The following RANBP17 variants were observed in gnomAD, a reference collection of about 807,000 sequenced individuals.
RANBP17 encodes the protein RAN binding protein 17.
RANBP17 carries 158 observed loss-of-function variants against 141.2 expected under a neutral mutation model. The ratio of observed to expected loss-of-function variants is 1.12; its 90% CI spans 0.98 to 1.28. The LOEUF (loss-of-function observed/expected upper bound fraction) is 1.28, where lower values mean the gene tolerates loss of function less well. RANBP17 is among the 50% of genes most tolerant of loss of function. RANBP17 has a pLI of 0.00. For missense variants in RANBP17, 1,438 were observed against 1,290.7 expected (o/e 1.11, Z -1.75); for synonymous variants, 430 against 450.0 (o/e 0.96, Z 0.56).
intron 14 of RANBP17, among the ~76,000 whole-genome samples, chr5:171,012,883 AC>A (rs1222533894): frequency 1.3e-5 from 2 of 152,216 alleles, no homozygotes; most frequent in African/African-American, 4.8e-5. Context: ...CAGAATAGTT[AC>A]ATTTTAATTC....
chr5:171,088,118 A>C (rs1193400914), intron 14 of RANBP17, among the ~76,000 whole-genome samples: 1 of 151,344 alleles, frequency 6.6e-6, no homozygotes, highest in Non-Finnish European at 1.5e-5. Context: ...GTTCCTTTCC[A>C]TGTTTAGTGC....
intron 24 of RANBP17, chr5:171,252,879 T>A: frequency 7.2e-7 from 1 of 1,394,222 alleles, no homozygotes; most frequent in South Asian, 1.2e-5. Flanking sequence ...ATGACGACAT[T>A]GTAGAAAAAA....
chr5:170,963,551 G>A (rs1487971633), intron 13 of RANBP17, among the ~76,000 whole-genome samples: 1 of 152,196 alleles, frequency 6.6e-6, no homozygotes, highest in Non-Finnish European at 1.5e-5. Flanking sequence ...CGGGGCAGGG[G>A]ATGGTTTCAG....
intron 14 of RANBP17, among the ~76,000 whole-genome samples, chr5:171,088,397 T>A (rs932528694): frequency 1.3e-5 from 2 of 152,186 alleles, no homozygotes; most frequent in African/African-American, 4.8e-5. Context: ...CCCTTAACAT[T>A]TTTTTCTGCA....
intron 16 of RANBP17, among the ~76,000 whole-genome samples, chr5:171,175,634 C>A (rs1760411731): frequency 6.6e-6 from 1 of 152,094 alleles, no homozygotes; most frequent in Non-Finnish European, 1.5e-5. Flanking sequence ...GGAACAGACA[C>A]TTCTCAAAAG....
chr5:170,956,977 G>A (rs947500559), intron 13 of RANBP17, among the ~76,000 whole-genome samples: 5 of 151,528 alleles, frequency 3.3e-5, no homozygotes, highest in African/African-American at 1.2e-4. Flanking sequence ...GGCTGAGGCG[G>A]GAGAATGGCG....
At chr5:171,100,179 G>A (rs937286218) in intron 14 of RANBP17, among the ~76,000 whole-genome samples, 1 of 152,156 alleles carries the variant, frequency 6.6e-6, no homozygotes, top group African/African-American at 2.4e-5. Flanking sequence ...AGAAGGAATG[G>A]TACCAGCTCC....
At chr5:171,012,037 T>C (rs147281941) in intron 14 of RANBP17, among the ~76,000 whole-genome samples, 2,846 of 149,528 alleles carry the variant, frequency 0.019, 36 homozygotes, top group African/African-American at 0.031. Flanking sequence ...ATAATATATT[T>C]GTTTAAACAA....
At chr5:171,053,878 CATATATATATATATATATATAT>C (rs58623197) in intron 14 of RANBP17, among the ~76,000 whole-genome samples, 511 of 17,244 alleles carry the variant, frequency 0.03, 22 homozygotes, top group African/African-American at 0.074. Context: ...GTGTTTAGTT[CATATATATATATATATATATAT>C]ATATATATAT....
intron 14 of RANBP17, among the ~76,000 whole-genome samples, chr5:171,169,152 A>G (rs930847555): frequency 2.0e-5 from 3 of 152,100 alleles, no homozygotes; most frequent in African/African-American, 7.2e-5. Context: ...TTCATGACCT[A>G]TGGTGGTGTA....
intron 14 of RANBP17, among the ~76,000 whole-genome samples, chr5:171,024,495 A>G (rs1025016333): frequency 6.6e-6 from 1 of 152,170 alleles, no homozygotes; most frequent in African/African-American, 2.4e-5. Context: ...TTTCAGAAAA[A>G]AATTGCCAAT....
intron 14 of RANBP17, among the ~76,000 whole-genome samples, chr5:171,006,356 G>A (rs13172441): frequency 0.61 from 92,973 of 151,894 alleles, 29,805 homozygotes; most frequent in South Asian, 0.88. Flanking sequence ...CAAATGTCCA[G>A]CAATGATAGA....
chr5:170,966,342 A>G (rs2127525561), intron 13 of RANBP17, among the ~76,000 whole-genome samples: 1 of 152,312 alleles, frequency 6.6e-6, no homozygotes, highest in South Asian at 2.1e-4. Context: ...AAGCTTATCC[A>G]CCATGATCAA....
At chr5:171,144,144 C>T (rs1757887085) in intron 14 of RANBP17, among the ~76,000 whole-genome samples, 1 of 152,076 alleles carries the variant, frequency 6.6e-6, no homozygotes, top group Non-Finnish European at 1.5e-5. Context: ...AGGTGAATCA[C>T]TTGAGCGCAG....
At chr5:170,985,557 A>G (rs1035202377) in intron 14 of RANBP17, among the ~76,000 whole-genome samples, 1 of 152,106 alleles carries the variant, frequency 6.6e-6, no homozygotes, top group Non-Finnish European at 1.5e-5. Flanking sequence ...TATCCTATTC[A>G]ATCTTTCACC....
At chr5:171,016,408 G>C (rs1011714190) in intron 14 of RANBP17, among the ~76,000 whole-genome samples, 1 of 151,980 alleles carries the variant, frequency 6.6e-6, no homozygotes, top group East Asian at 1.9e-4. Flanking sequence ...AGTTTTGCCT[G>C]TAATCTGTAG....
intron 5 of RANBP17, among the ~76,000 whole-genome samples, chr5:170,897,689 C>T (rs1326548565): frequency 6.6e-6 from 1 of 151,876 alleles, no homozygotes; most frequent in Non-Finnish European, 1.5e-5. Flanking sequence ...TGTTAGTTTG[C>T]TGAGAATGAT....
intron 14 of RANBP17, among the ~76,000 whole-genome samples, chr5:171,038,730 A>G (rs1782047962): frequency 6.6e-6 from 1 of 152,044 alleles, no homozygotes; most frequent in Non-Finnish European, 1.5e-5. Context: ...TTCCACATCT[A>G]TTGAGATGAT....
intron 14 of RANBP17, among the ~76,000 whole-genome samples, chr5:171,152,248 A>G (rs1257097107): frequency 6.6e-6 from 1 of 151,040 alleles, no homozygotes; most frequent in East Asian, 1.9e-4. Flanking sequence ...CTTCATCTCT[A>G]CTAAAAAAAA....
Sources: gnomAD v4.1 joint callset for allele counts (sites outside exome capture counted in the v4.1 genomes callset) on GRCh38, gnomAD v4.1.1 for gene constraint, MANE v1.5 for transcripts, NCBI Gene and HGNC (gene_info 2026-07-23, HGNC 2026-07-21) for gene names.